The following ATP1B3 variants were observed in gnomAD, a reference collection of about 807,000 sequenced individuals.
ATP1B3 encodes the protein ATPase Na+/K+ transporting subunit beta 3, also known as sodium/potassium-transporting ATPase subunit beta-3.
A neutral mutation model predicts 30.2 loss-of-function variants in ATP1B3; 10 were observed. The observed-to-expected ratio is 0.33, with a 90% CI of 0.20 to 0.56. The LOEUF (loss-of-function observed/expected upper bound fraction) is 0.56, where lower values mean the gene tolerates loss of function less well. Ranked by LOEUF, ATP1B3 falls within the 20% of genes least tolerant of loss-of-function variation. The pLI, the probability that ATP1B3 is intolerant of heterozygous loss-of-function variation, is 0.90. For synonymous variants in ATP1B3, 113 were observed against 117.0 expected (o/e 0.97, Z 0.22); for missense variants, 238 against 336.7 (o/e 0.71, Z 2.29).
intron 6 of ATP1B3, among the ~76,000 whole-genome samples, chr3:141,924,386 C>A (rs1450874752): frequency 6.6e-6 from 1 of 151,446 alleles, no homozygotes; most frequent in East Asian, 1.9e-4. Flanking sequence ...CGCCTGTAAT[C>A]CCAGCACTTT....
chr3:141,914,298 A>G (rs1014767380), intron 4 of ATP1B3, among the ~76,000 whole-genome samples: 2 of 152,228 alleles, frequency 1.3e-5, no homozygotes, highest in Admixed American at 1.3e-4. Flanking sequence ...ATCAGTATAT[A>G]TATATGTAAT....
chr3:141,906,824 C>G (rs937316423), intron 2 of ATP1B3, among the ~76,000 whole-genome samples: 3 of 152,090 alleles, frequency 2.0e-5, no homozygotes, highest in Non-Finnish European at 4.4e-5. Context: ...GTATTAATGG[C>G]ACATTGACAA....
Position 141,876,787 on chromosome 3 carries a change from G to T in ATP1B3, c.-15G>T, listed in dbSNP as rs371057028. Reference sequence around the variant, plus strand: ...CCCCGCGGCCGCAGCTCCTCTCGCCGTCCGCGCGCACACCATGACGAAGAA... The same window carrying T: ...CCCCGCGGCCGCAGCTCCTCTCGCCTTCCGCGCGCACACCATGACGAAGAA... On this transcript the variant is annotated 5_prime_UTR_variant, in exon 1 of 7. Transcript: ENST00000286371. 7.6e-6 allele frequency: 12 copies of T among 1,585,714 alleles called. No individual in the cohort carries two copies. The highest frequency in any genetic ancestry group is 6.9e-5 in the African/African-American group (5 of 72,032).
rs1181479358 is a variant in ATP1B3 at position 141,876,708 on chromosome 3, C to T, written c.-94C>T. On this transcript the variant is annotated 5_prime_UTR_variant, in exon 1 of 7. Coordinates refer to ENST00000286371, the MANE Select transcript of ATP1B3 (RefSeq NM_001679.4). ...GCCGTCCCACCCTTCACTGCCGTCT[C>T]CGGGCTGCGCCGCCGGAGCCGGGAC... 5.0e-5 allele frequency: 46 copies of T among 929,056 alleles called. No individual in the cohort carries two copies. Among genetic ancestry groups the T allele is most frequent in the Non-Finnish European group, 7.2e-5 (44 of 608,756 alleles). The allele number at this position is 929,056 out of a possible 1,614,324, so 57.6% of individuals were successfully genotyped here.
At chr3:141,905,090 A>G (rs1015938795) in intron 2 of ATP1B3, among the ~76,000 whole-genome samples, 1 of 152,174 alleles carries the variant, frequency 6.6e-6, no homozygotes, top group Admixed American at 6.5e-5. Context: ...TAGAAAAGTA[A>G]GAAACAGTAA....
intron 1 of ATP1B3, chr3:141,902,886 A>G (rs1934189701): frequency 6.6e-6 from 1 of 152,202 alleles, no homozygotes; most frequent in South Asian, 2.1e-4. Context: ...TATTCTTTCA[A>G]TGAACTCAGT....
intron 1 of ATP1B3, among the ~76,000 whole-genome samples, chr3:141,880,173 A>G (rs1432146748): frequency 6.6e-6 from 1 of 152,216 alleles, no homozygotes; most frequent in African/African-American, 2.4e-5. Context: ...TTTGCTATTT[A>G]CATTTTGGAT....
Position 141,876,921 on chromosome 3 carries a change from A to G in ATP1B3, c.109+11A>G. 1 of 1,553,466 alleles carries G rather than the reference A, an allele frequency of 6.4e-7. No homozygotes were observed. The highest frequency in any genetic ancestry group is 8.7e-7 in the Non-Finnish European group (1 of 1,150,844). ...CCGCCAAGAGCTGGGGTGAGCGGGC[A>G]GCAGCTGGGCGTCCGGGGCCGGCCT... On this transcript the variant is annotated intron_variant, in intron 1 of 6. Transcript: ENST00000286371.
In ATP1B3 at chr3:141,925,548, A is replaced by G. The variant is rs760865086; in HGVS notation, c.687A>G (p.Pro229=). 1 of 1,609,166 alleles carries G rather than the reference A, an allele frequency of 6.2e-7. No individual in the cohort carries two copies. The highest frequency in any genetic ancestry group is 8.5e-7 in the Non-Finnish European group (1 of 1,178,600). The change falls in exon 7 of 7, where the codon CCA becomes CCG. Residue 229 remains proline (P), a synonymous_variant. Coordinates refer to ENST00000286371, the MANE Select transcript of ATP1B3 (RefSeq NM_001679.4). The stretch of plus-strand genomic sequence containing the variant: ...ATTGCCAGGTTGGGTATCTACAGCC[A>G]TTGGTTGCTGTTCAGGTCAGCTTTG... ...GKKLHVGYLQ[P]LVAVQVSFAP...
chr3:141,916,166 A>G, intron 5 of ATP1B3, 146 bp downstream of exon 5: 2 of 656,462 alleles, frequency 3.0e-6, no homozygotes, highest in Non-Finnish European at 5.2e-6. Flanking sequence ...CACCAACCGT[A>G]GTCTTTCTCT....
In ATP1B3 at chr3:141,913,391, G is replaced by T. The variant is rs112825873; in HGVS notation, c.347-261G>T. Among the ~76,000 whole-genome samples, 487 of 152,254 alleles carry T rather than the reference G, an allele frequency of 3.2e-3. 6 individuals carry two copies. The East Asian group carries it at 0.04, about 13-fold the overall frequency. ...GGCATTCAGATAATGCTTTAGCCAT[G>T]GCTGGTACTGCCACCTAATGGTGAC... On this transcript the variant is annotated intron_variant, in intron 3 of 6. Transcript: ENST00000286371.
intron 1 of ATP1B3, among the ~76,000 whole-genome samples, chr3:141,893,002 T>C (rs1412636487): frequency 1.3e-5 from 2 of 152,150 alleles, no homozygotes; most frequent in South Asian, 2.1e-4. Flanking sequence ...CATTGCCTTA[T>C]GTAGTTTTCC....
chr3:141,921,768 A>T, intron 5 of ATP1B3: 1 of 393,710 alleles, frequency 2.5e-6, no homozygotes, highest in Non-Finnish European at 4.5e-6. Flanking sequence ...AAGTATCAGG[A>T]TAGTTCATGT....
chr3:141,887,965 G>A (rs1933869118), intron 1 of ATP1B3, among the ~76,000 whole-genome samples: 1 of 152,222 alleles, frequency 6.6e-6, no homozygotes, highest in African/African-American at 2.4e-5. Context: ...TAAGTGTTCT[G>A]TATCTTGAAT....
intron 2 of ATP1B3, 140 bp from the exon 3 acceptor site, chr3:141,907,021 TAATTAG>T: frequency 2.1e-6 from 1 of 485,234 alleles, no homozygotes; most frequent in Middle Eastern, 4.7e-4. Context: ...TATGCCTTCA[TAATTAG>T]AATTGGGAAG....
intron 1 of ATP1B3, among the ~76,000 whole-genome samples, chr3:141,895,196 T>TC (rs1934040139): frequency 6.6e-6 from 1 of 150,670 alleles, no homozygotes. Flanking sequence ...TTCTTTTTTT[T>TC]TTTTTTTTTT....
rs1418887210 is a variant in ATP1B3 at position 141,886,915 on chromosome 3, AT to A, written c.109+10006del. ...CTACTCAGGAGGTTGAGGCTGGACA[AT>A]CACTTGAGCCTGGGAGGTCAAGGCT... On this transcript the variant is annotated intron_variant, in intron 1 of 6. Coordinates refer to ENST00000286371, the MANE Select transcript of ATP1B3 (RefSeq NM_001679.4). 2.0e-5 allele frequency among the ~76,000 whole-genome samples: 3 copies of A among 152,222 alleles called. No homozygotes were observed. In the East Asian group the frequency reaches 5.8e-4, roughly 29 times the overall value.
intron 1 of ATP1B3, among the ~76,000 whole-genome samples, chr3:141,900,855 TCACTGCAGC>T (rs1293654416): frequency 2.0e-5 from 3 of 152,174 alleles, no homozygotes; most frequent in African/African-American, 7.2e-5. Flanking sequence ...CAGTCTCGGC[TCACTGCAGC>T]CTCTGCCTCC....
intron 1 of ATP1B3, chr3:141,902,001 T>C: frequency 1.8e-6 from 1 of 558,060 alleles, no homozygotes; most frequent in Non-Finnish European, 2.9e-6. Context: ...CCTTCGTTCC[T>C]GCAGACACCT....
Sources: gnomAD v4.1 joint callset for allele counts (sites outside exome capture counted in the v4.1 genomes callset) on GRCh38, gnomAD v4.1.1 for gene constraint, MANE v1.5 for transcripts, NCBI Gene and HGNC (gene_info 2026-07-23, HGNC 2026-07-21) for gene names.